MTCL1: variants seen among roughly 807,000 people sequenced by gnomAD.
The protein encoded by MTCL1 is microtubule cross-linking factor 1.
A neutral mutation model predicts 141.4 loss-of-function variants in MTCL1; 79 were observed. That is an observed-to-expected ratio of 0.56 (90% CI 0.47 to 0.67). The LOEUF is 0.67. Ranked by LOEUF, MTCL1 falls within the 30% of genes least tolerant of loss-of-function variation. MTCL1 has a pLI of 0.00. For synonymous variants in MTCL1, 914 were observed against 875.8 expected (o/e 1.04, Z -0.77); for missense variants, 2,177 against 2,113.9 (o/e 1.03, Z -0.59).
intron 4 of MTCL1, among the ~76,000 whole-genome samples, chr18:8,775,743 T>C (rs1466156659): frequency 6.6e-6 from 1 of 152,148 alleles, no homozygotes; most frequent in Non-Finnish European, 1.5e-5. Context: ...CCAAAAAGAC[T>C]AAAGGAAATA....
intron 4 of MTCL1, among the ~76,000 whole-genome samples, chr18:8,723,902 A>G (rs537075137): frequency 1.3e-5 from 2 of 152,174 alleles, no homozygotes; most frequent in African/African-American, 2.4e-5. Flanking sequence ...AGCCAGACAT[A>G]CTGTTCGATT....
chr18:8,762,071 C>T (rs1399051111), intron 4 of MTCL1, among the ~76,000 whole-genome samples: 1 of 152,178 alleles, frequency 6.6e-6, no homozygotes, highest in Non-Finnish European at 1.5e-5. Context: ...TTTGTTTATC[C>T]ATCCAGGTGT....
intron 4 of MTCL1, among the ~76,000 whole-genome samples, chr18:8,768,660 G>A (rs1172692180): frequency 1.3e-5 from 2 of 151,774 alleles, no homozygotes; most frequent in Admixed American, 6.6e-5. Context: ...GCTTTGTTTT[G>A]TTTTCAAAGT....
chr18:8,720,558 A>G lies in MTCL1; in HGVS notation c.357+62A>G, dbSNP rs1034816553. 7 of 1,515,962 alleles carry G rather than the reference A, an allele frequency of 4.6e-6. No individual in the cohort carries two copies. In the African/African-American group the frequency reaches 8.3e-5, roughly 18 times the overall value. 93.9% of individuals were successfully genotyped at this position (1,515,962 alleles called of 1,614,324 possible). A position where few individuals can be genotyped will look rare whatever the true frequency, so the allele number is the denominator to read the frequency against. ...TTAATAAGGAGGAGCTTGGAACTCC[A>G]AGTGCCCCCTTCTCATTGTGGTCGA... is the stretch of plus-strand genomic sequence containing the variant. On this transcript the variant is annotated intron_variant, in intron 4 of 16. Transcript: ENST00000359865.
At chr18:8,728,512 A>G (rs571468915) in intron 4 of MTCL1, among the ~76,000 whole-genome samples, 15 of 152,198 alleles carry the variant, frequency 9.9e-5, no homozygotes, top group South Asian at 2.1e-4. Context: ...TTGGTATTCT[A>G]TAGTTTCAGT....
intron 6 of MTCL1, 91 bp downstream of exon 5, chr18:8,784,934 G>T: frequency 8.3e-7 from 1 of 1,199,146 alleles, no homozygotes; most frequent in African/African-American, 1.5e-5. Flanking sequence ...GCTGCTCACG[G>T]CTGCTTGGTT....
chr18:8,793,374 C>A (rs978571441), intron 8 of MTCL1, among the ~76,000 whole-genome samples: 1 of 90,694 alleles, frequency 1.1e-5, no homozygotes, highest in South Asian at 4.8e-4. Flanking sequence ...CATACCTAAT[C>A]TAAACTTTCC....
intron 4 of MTCL1, among the ~76,000 whole-genome samples, chr18:8,754,663 GCCATAGCCAC>G (rs1282856322): frequency 2.0e-5 from 3 of 152,196 alleles, no homozygotes; most frequent in Non-Finnish European, 4.4e-5. Flanking sequence ...TATTTTTGCA[GCCATAGCCAC>G]CCAGGTTCCT....
intron 8 of MTCL1, among the ~76,000 whole-genome samples, chr18:8,794,922 T>A (rs1013958050): frequency 6.6e-6 from 1 of 152,188 alleles, no homozygotes; most frequent in Non-Finnish European, 1.5e-5. Flanking sequence ...ATCTTCAGTG[T>A]GAAATGTTAA....
chr18:8,776,341 C>G (rs2096508491), intron 4 of MTCL1, among the ~76,000 whole-genome samples: 1 of 152,328 alleles, frequency 6.6e-6, no homozygotes, highest in East Asian at 1.9e-4. Context: ...TCATATTCCT[C>G]TAGGATGCTT....
intron 5 of MTCL1, among the ~76,000 whole-genome samples, chr18:8,781,372 G>T (rs1356934252): frequency 1.3e-5 from 2 of 152,004 alleles, no homozygotes; most frequent in African/African-American, 4.8e-5. Flanking sequence ...TGTGAGTAGG[G>T]CAGACAGCCT....
chr18:8,731,129 T>C (rs975616064), intron 4 of MTCL1, among the ~76,000 whole-genome samples: 8 of 151,720 alleles, frequency 5.3e-5, no homozygotes, highest in Non-Finnish European at 7.4e-5. Flanking sequence ...CCTGTAGTCA[T>C]AGCTACTCGG....
intron 4 of MTCL1, among the ~76,000 whole-genome samples, chr18:8,730,059 C>T (rs1368464435): frequency 6.6e-6 from 1 of 152,154 alleles, no homozygotes; most frequent in Admixed American, 6.5e-5. Context: ...GAAAAGGCCA[C>T]CTTTCCTCCA....
At chr18:8,712,519 C>T (rs1013704664), upstream of MTCL1, among the ~76,000 whole-genome samples, 3 of 152,218 alleles carry the variant, frequency 2.0e-5, no homozygotes, top group Admixed American at 6.5e-5. Flanking sequence ...CTCCTTGCTC[C>T]CCGCCTCCTC....
At chr18:8,772,778 C>A (rs1286473632) in intron 4 of MTCL1, among the ~76,000 whole-genome samples, 2 of 151,682 alleles carry the variant, frequency 1.3e-5, no homozygotes, top group Non-Finnish European at 2.9e-5. Context: ...ATGAGCATTT[C>A]CTATATCCTT....
upstream of MTCL1, among the ~76,000 whole-genome samples, chr18:8,712,417 G>A (rs935835099): frequency 6.6e-6 from 1 of 152,176 alleles, no homozygotes; most frequent in Non-Finnish European, 1.5e-5. Context: ...CAGCTGGGCT[G>A]CCCAGATGCC....
chr18:8,797,393 T>G (rs1284397916), intron 9 of MTCL1, among the ~76,000 whole-genome samples: 3 of 152,240 alleles, frequency 2.0e-5, no homozygotes, highest in Non-Finnish European at 4.4e-5. Flanking sequence ...AAGCGAGATC[T>G]TTGCCTTCTG....
chr18:8,720,288 G>C, intron 3 of MTCL1, 50 bp from the exon 3 acceptor site: 1 of 1,595,246 alleles, frequency 6.3e-7, no homozygotes, highest in Admixed American at 1.7e-5. Context: ...AGTACCCTTA[G>C]CACACAAAAA....
intron 4 of MTCL1, among the ~76,000 whole-genome samples, chr18:8,771,979 T>C (rs2096486835): frequency 2.0e-5 from 3 of 152,216 alleles, no homozygotes; most frequent in Non-Finnish European, 4.4e-5. Flanking sequence ...AAACTGGGCA[T>C]GACTAATGTA....
Sources: gnomAD v4.1 joint callset for allele counts (sites outside exome capture counted in the v4.1 genomes callset) on GRCh38, gnomAD v4.1.1 for gene constraint, MANE v1.5 for transcripts, NCBI Gene and HGNC (gene_info 2026-07-23, HGNC 2026-07-21) for gene names.